The following RDH11 variants were observed in gnomAD, a reference collection of about 807,000 sequenced individuals.
RDH11 encodes retinol dehydrogenase 11.
RDH11 carries 19 observed loss-of-function variants against 33.4 expected under a neutral mutation model. The ratio of observed to expected loss-of-function variants is 0.57; its 90% CI spans 0.40 to 0.83. The LOEUF is 0.83. Ranked by LOEUF, RDH11 falls within the 40% of genes least tolerant of loss-of-function variation. RDH11 has a pLI of 0.00. For missense variants in RDH11, 353 were observed against 389.0 expected, an observed-to-expected ratio of 0.91 and a Z score of 0.78; for synonymous variants, 154 against 155.3, an observed-to-expected ratio of 0.99 and a Z score of 0.06.
At chr14:67,694,159 G>T (rs1476472624) in intron 1 of RDH11, among the ~76,000 whole-genome samples, 1 of 152,066 alleles carries the variant, frequency 6.6e-6, no homozygotes, top group Non-Finnish European at 1.5e-5. Flanking sequence ...CATACTCTTA[G>T]CCATTGAAGC....
rs2037546675 is a variant in RDH11 at position 67,676,877 on chromosome 14, T to C, written c.*1444A>G. 6.6e-6 allele frequency: 1 copy of C among 152,254 alleles called. No homozygotes were observed. Among genetic ancestry groups the C allele is most frequent in the African/African-American group, 2.4e-5 (1 of 41,472 alleles). The allele number at this position is 152,254 out of a possible 1,614,324, so 9.4% of individuals were successfully genotyped here. A position where few individuals can be genotyped will look rare whatever the true frequency, so the allele number is the denominator to read the frequency against. On this transcript the variant is annotated 3_prime_UTR_variant, in exon 7 of 7. Transcript: ENST00000381346. ...ACAAAAAATAATCAAAAAGAATTTT[T>C]ATTTGTCATTGACAGTTCAATATAA...
chr14:67,690,933 A>G (rs1362964541), intron 4 of RDH11: 1 of 568,854 alleles, frequency 1.8e-6, no homozygotes, highest in East Asian at 2.9e-5. Context: ...GGCAAACCAA[A>G]TCTAAATCAC....
chr14:67,692,196 T>C, intron 3 of RDH11: 1 of 452,846 alleles, frequency 2.2e-6, no homozygotes, highest in Non-Finnish European at 3.9e-6. Context: ...GAGACTCCCA[T>C]GAGATTTCTG....
chr14:67,686,438 A>G lies in RDH11; in HGVS notation c.665-1234T>C, dbSNP rs185294536. ...TGGACTGCCTGAGCTCAGGAGTTAT[A>G]GACCAGCCTGGGCAACACAGTGAAA... On this transcript the variant is annotated intron_variant, in intron 5 of 6. Coordinates refer to ENST00000381346, the MANE Select transcript of RDH11 (RefSeq NM_016026.4). Among the ~76,000 whole-genome samples the G allele has an allele frequency of 9.2e-5, 14 of 152,246 alleles. No homozygotes were observed. In the East Asian group the frequency reaches 2.5e-3, roughly 27 times the overall value.
At chr14:67,693,080 A>G (rs2037773259) in intron 1 of RDH11, 28 bp from the exon 2 acceptor site, 1 of 1,503,408 alleles carries the variant, frequency 6.7e-7, no homozygotes. Context: ...GAGCTCATCA[A>G]TTCTTCATTC....
chr14:67,689,861 T>C (rs562239025), intron 5 of RDH11, among the ~76,000 whole-genome samples: 9 of 152,134 alleles, frequency 5.9e-5, no homozygotes, highest in Non-Finnish European at 1.3e-4. Context: ...GGAGAATCAC[T>C]TGAACCTGGG....
chr14:67,680,532 C>A (rs1216791974), intron 6 of RDH11, among the ~76,000 whole-genome samples: 3 of 152,164 alleles, frequency 2.0e-5, no homozygotes, highest in Non-Finnish European at 4.4e-5. Flanking sequence ...GGTGTGATCG[C>A]AGCTCACTAC....
At chr14:67,694,299 G>A (rs1194267701) in intron 1 of RDH11, among the ~76,000 whole-genome samples, 2 of 152,004 alleles carry the variant, frequency 1.3e-5, no homozygotes, top group Non-Finnish European at 2.9e-5. Flanking sequence ...GTAGCTCCAG[G>A]AGTGACAACT....
chr14:67,680,092 A>T (rs1191232917), intron 6 of RDH11, among the ~76,000 whole-genome samples: 1 of 152,216 alleles, frequency 6.6e-6, no homozygotes, highest in African/African-American at 2.4e-5. Context: ...GACATACTGA[A>T]TGAGAATCTC....
At chr14:67,688,725 T>C (rs1181760711) in intron 5 of RDH11, among the ~76,000 whole-genome samples, 1 of 152,076 alleles carries the variant, frequency 6.6e-6, no homozygotes. Context: ...TGTGAGCCAC[T>C]GTGCCTGACC....
chr14:67,692,670 C>T (rs547247220), intron 2 of RDH11, 77 bp from the exon 3 acceptor site: 1 of 1,487,512 alleles, frequency 6.7e-7, no homozygotes, highest in South Asian at 1.4e-5. Context: ...TTATTTCCAA[C>T]ATTTTTTTAA....
At chr14:67,690,918 G>A (rs1435587986) in intron 4 of RDH11, 6 of 540,962 alleles carry the variant, frequency 1.1e-5, no homozygotes, top group Admixed American at 9.6e-5. Context: ...TAAAAAATGC[G>A]CCAAGGCAAA....
At chr14:67,686,739 G>C (rs2037684267) in intron 5 of RDH11, among the ~76,000 whole-genome samples, 2 of 151,998 alleles carry the variant, frequency 1.3e-5, no homozygotes, top group Non-Finnish European at 2.9e-5. Flanking sequence ...GAAAACGCTG[G>C]GGCCAGACAT....
intron 5 of RDH11, among the ~76,000 whole-genome samples, chr14:67,688,927 C>CT (rs2037714692): frequency 1.3e-5 from 2 of 152,188 alleles, no homozygotes; most frequent in African/African-American, 4.8e-5. Context: ...ACAACATGGG[C>CT]ACTGAATACG....
Position 67,677,363 on chromosome 14 carries a change from A to ATTTTTTT in RDH11, c.*951_*957dup, listed in dbSNP as rs71129846. ...TTTTTTTTGTTTGTTTGTTTTTAGG[A>ATTTTTTT]TTTTTTTTTTTTTTTTTTTTTTTTT... On this transcript the variant is annotated 3_prime_UTR_variant, in exon 7 of 7. Coordinates refer to ENST00000381346, the MANE Select transcript of RDH11 (RefSeq NM_016026.4). The ATTTTTTT allele has an allele frequency of 1.1e-3, 35 of 31,978 alleles. 4 individuals are homozygous for ATTTTTTT. Among genetic ancestry groups the ATTTTTTT allele is most frequent in the East Asian group, 2.7e-3 (2 of 738 alleles). 2.0% of individuals were successfully genotyped at this position (31,978 alleles called of 1,614,324 possible).
chr14:67,687,734 T>C (rs558715417), intron 5 of RDH11, among the ~76,000 whole-genome samples: 7 of 150,422 alleles, frequency 4.7e-5, no homozygotes, highest in Admixed American at 3.3e-4. Context: ...GCCTCCCAAA[T>C]TGCTGGGATT....
chr14:67,686,026 A>C (rs969086877), intron 5 of RDH11: 2 of 152,186 alleles, frequency 1.3e-5, no homozygotes, highest in African/African-American at 4.8e-5. Context: ...CACAAACATT[A>C]AATGTTGGAG....
chr14:67,686,241 G>A (rs2037676693), intron 5 of RDH11: 1 of 152,130 alleles, frequency 6.6e-6, no homozygotes, highest in Non-Finnish European at 1.5e-5. Context: ...TCCCTTTTGT[G>A]ACTCATTTCT....
chr14:67,690,182 T>G, intron 5 of RDH11, 30 bp downstream of exon 5: 1 of 1,592,108 alleles, frequency 6.3e-7, no homozygotes, highest in African/African-American at 1.3e-5. Context: ...CTCTGACTCA[T>G]GTCTCCACAT....
Sources: gnomAD v4.1 joint callset for allele counts (sites outside exome capture counted in the v4.1 genomes callset) on GRCh38, gnomAD v4.1.1 for gene constraint, MANE v1.5 for transcripts, NCBI Gene and HGNC (gene_info 2026-07-23, HGNC 2026-07-21) for gene names.